KCNC2: variants seen among roughly 807,000 people sequenced by gnomAD.
KCNC2 encodes potassium voltage-gated channel subfamily C member 2.
In KCNC2, 21 loss-of-function variants were observed where a neutral mutation model predicts 44.5. The ratio of observed to expected loss-of-function variants is 0.47; its 90% confidence interval spans 0.33 to 0.68. KCNC2 has a LOEUF of 0.68. KCNC2 is among the 30% of genes least tolerant of loss of function. The pLI is 0.01. For missense variants in KCNC2, 589 were observed against 826.2 expected, an observed-to-expected ratio of 0.71 and a Z score of 3.52; for synonymous variants, 391 against 339.1, an observed-to-expected ratio of 1.15 and a Z score of -1.68.
chr12:75,191,520 TA>T (rs2030224977), intron 2 of KCNC2, among the ~76,000 whole-genome samples: 53 of 60,878 alleles, frequency 8.7e-4, no homozygotes, highest in African/African-American at 1.7e-3. Context: ...TTATTATTAT[TA>T]TTATTATTTT....
intron 2 of KCNC2, among the ~76,000 whole-genome samples, chr12:75,154,968 T>C (rs777878270): frequency 3.3e-5 from 5 of 151,962 alleles, no homozygotes; most frequent in Non-Finnish European, 5.9e-5. Flanking sequence ...GAAAAGTATT[T>C]TTCAAGTTTC....
intron 2 of KCNC2, among the ~76,000 whole-genome samples, chr12:75,195,664 G>C (rs1440662259): frequency 6.6e-6 from 1 of 152,062 alleles, no homozygotes; most frequent in African/African-American, 2.4e-5. Context: ...CCTACCACCT[G>C]TGTTACTTCA....
chr12:75,056,604 A>C (rs1051399638), intron 2 of KCNC2, among the ~76,000 whole-genome samples: 1 of 152,010 alleles, frequency 6.6e-6, no homozygotes, highest in African/African-American at 2.4e-5. Context: ...TTAAATGTTC[A>C]AGTATCAGAA....
At chr12:75,173,214 C>T (rs774900179) in intron 2 of KCNC2, among the ~76,000 whole-genome samples, 2 of 151,796 alleles carry the variant, frequency 1.3e-5, no homozygotes, top group Admixed American at 1.3e-4. Context: ...TAGAAATAAG[C>T]ATTTTTCTTC....
intron 2 of KCNC2, among the ~76,000 whole-genome samples, chr12:75,201,590 T>C (rs1468716818): frequency 1.3e-5 from 2 of 151,772 alleles, no homozygotes; most frequent in African/African-American, 4.8e-5. Flanking sequence ...GTCTCTTAGG[T>C]CTCAATTCAG....
chr12:75,208,038 C>G, intron 1 of KCNC2, 36 bp from the exon 2 acceptor site: 1 of 1,604,534 alleles, frequency 6.2e-7, no homozygotes, highest in African/African-American at 1.3e-5. Context: ...AGTTAAAGAT[C>G]TTAGCCGTCA....
intron 2 of KCNC2, among the ~76,000 whole-genome samples, chr12:75,145,467 TAA>T (rs35359949): frequency 7.5e-5 from 11 of 147,508 alleles, no homozygotes; most frequent in African/African-American, 2.0e-4. Context: ...TTTCTTTTAT[TAA>T]AAAAAAAAAG....
At chr12:75,046,000 T>A (rs531455331) in intron 4 of KCNC2, among the ~76,000 whole-genome samples, 1 of 151,728 alleles carries the variant, frequency 6.6e-6, no homozygotes, top group South Asian at 2.1e-4. Context: ...ATCTATAACC[T>A]ACAAAAAGGG....
At chr12:75,131,895 C>G (rs934656792) in intron 2 of KCNC2, among the ~76,000 whole-genome samples, 1 of 152,130 alleles carries the variant, frequency 6.6e-6, no homozygotes, top group Non-Finnish European at 1.5e-5. Context: ...TACCGTTGAG[C>G]CAGCTTTGCG....
chr12:75,100,756 T>C (rs957011187), intron 2 of KCNC2, among the ~76,000 whole-genome samples: 6 of 152,188 alleles, frequency 3.9e-5, no homozygotes, highest in African/African-American at 1.4e-4. Context: ...TTATGATTTA[T>C]GATGTTTCTT....
At chr12:75,055,403 A>T (rs2136963294) in intron 2 of KCNC2, among the ~76,000 whole-genome samples, 1 of 152,280 alleles carries the variant, frequency 6.6e-6, no homozygotes, top group African/African-American at 2.4e-5. Flanking sequence ...CCTTCCATTC[A>T]TTCTCTTAAT....
intron 2 of KCNC2, among the ~76,000 whole-genome samples, chr12:75,080,657 C>G (rs1477716486): frequency 6.6e-6 from 1 of 152,068 alleles, no homozygotes; most frequent in Non-Finnish European, 1.5e-5. Flanking sequence ...CAGGGATTAA[C>G]TCAAAGGACA....
At chr12:75,177,654 A>G (rs1449626792) in intron 2 of KCNC2, among the ~76,000 whole-genome samples, 5 of 152,038 alleles carry the variant, frequency 3.3e-5, no homozygotes, top group African/African-American at 1.2e-4. Context: ...ACATCCAGAT[A>G]TAATATCATA....
At chr12:75,059,296 G>C (rs1882066458) in intron 2 of KCNC2, among the ~76,000 whole-genome samples, 1 of 152,080 alleles carries the variant, frequency 6.6e-6, no homozygotes, top group South Asian at 2.1e-4. Context: ...ACTCCTAGTA[G>C]CCATGAGGCC....
intron 2 of KCNC2, among the ~76,000 whole-genome samples, chr12:75,090,756 ATTG>A (rs546144554): frequency 3.3e-3 from 497 of 151,090 alleles, no homozygotes; most frequent in Admixed American, 6.5e-3. Flanking sequence ...CATGTAGCAA[ATTG>A]TTGTTAATAT....
At chr12:75,064,162 CAT>C (rs201410810) in intron 2 of KCNC2, among the ~76,000 whole-genome samples, 2,003 of 152,106 alleles carry the variant, frequency 0.013, 46 homozygotes, top group African/African-American at 0.045. Context: ...AGTTAACACA[CAT>C]GTCATGTAAT....
chr12:75,053,799 A>G lies in KCNC2; in HGVS notation c.688-2482T>C, dbSNP rs916966630. 4.7e-5 allele frequency among the ~76,000 whole-genome samples: 7 copies of G among 147,724 alleles called. No homozygotes were observed. In the East Asian group the frequency reaches 7.8e-4, roughly 16 times the overall value. On this transcript the variant is annotated intron_variant, in intron 2 of 4. Transcript: ENST00000549446. ...TAATTATTTTTATTATATATAACATATATAAATATATATAGTAATATTTTT... is the reference window on the plus strand; with the variant it reads ...TAATTATTTTTATTATATATAACATGTATAAATATATATAGTAATATTTTT...
At chr12:75,127,386 C>T (rs887707310) in intron 2 of KCNC2, among the ~76,000 whole-genome samples, 1 of 152,046 alleles carries the variant, frequency 6.6e-6, no homozygotes, top group Non-Finnish European at 1.5e-5. Context: ...ACGGAGACAA[C>T]AGGCAGTCTC....
At chr12:75,076,320 G>A (rs1020105356) in intron 2 of KCNC2, among the ~76,000 whole-genome samples, 1 of 145,828 alleles carries the variant, frequency 6.9e-6, no homozygotes, top group African/African-American at 2.5e-5. Flanking sequence ...TCGCTTTGTC[G>A]CCCATGCAGT....
Sources: gnomAD v4.1 joint callset for allele counts (sites outside exome capture counted in the v4.1 genomes callset) on GRCh38, gnomAD v4.1.1 for gene constraint, MANE v1.5 for transcripts, NCBI Gene and HGNC (gene_info 2026-07-23, HGNC 2026-07-21) for gene names.